SWT1: variants seen among roughly 807,000 people sequenced by gnomAD.
The protein encoded by SWT1 is transcriptional protein SWT1.
SWT1 carries 33 observed loss-of-function variants against 107.3 expected under a neutral mutation model. That is an observed-to-expected ratio of 0.31 (90% CI 0.23 to 0.41). The LOEUF (loss-of-function observed/expected upper bound fraction) is 0.41, where lower values mean the gene tolerates loss of function less well. SWT1 is among the 10% of genes least tolerant of loss of function. The pLI is 1.00. For missense variants in SWT1, 898 were observed against 1,028.9 expected (o/e 0.87, Z 1.74); for synonymous variants, 345 against 348.3 (o/e 0.99, Z 0.11).
intron 17 of SWT1, 121 bp downstream of exon 17, chr1:185,271,510 T>A (rs1414639878): frequency 3.4e-6 from 2 of 593,498 alleles, no homozygotes; most frequent in African/African-American, 3.8e-5. Context: ...TTGCTTTAAA[T>A]TATTGAATGC....
intron 17 of SWT1, 95 bp downstream of exon 17, chr1:185,271,484 G>T: frequency 1.5e-6 from 1 of 649,738 alleles, no homozygotes. Context: ...ATAGTGGAAT[G>T]CTATTTAATT....
Position 185,280,988 on chromosome 1 carries a change from A to G in SWT1, c.2573+4320A>G, listed in dbSNP as rs749118851. On this transcript the variant is annotated intron_variant, in intron 18 of 18. Coordinates refer to ENST00000367500, the MANE Select transcript of SWT1 (RefSeq NM_017673.7). ...GTCATGGCAAAAGAAAATACTTGATATGTCCAAGAGTTTTCAGTCCCTTTT... is the reference window on the plus strand; with the variant it reads ...GTCATGGCAAAAGAAAATACTTGATGTGTCCAAGAGTTTTCAGTCCCTTTT... 385 of 437,464 alleles carry G rather than the reference A, an allele frequency of 8.8e-4. 2 individuals carry two copies. The highest frequency in any genetic ancestry group is 1.2e-3 in the Non-Finnish European group (258 of 217,570). The allele number at this position is 437,464 out of a possible 1,614,324, so 27.1% of individuals were successfully genotyped here. A position where few individuals can be genotyped will look rare whatever the true frequency, so the allele number is the denominator to read the frequency against.
At chr1:185,182,690 A>C (rs1461534002) in intron 7 of SWT1, among the ~76,000 whole-genome samples, 5 of 140,522 alleles carry the variant, frequency 3.6e-5, no homozygotes, top group Admixed American at 3.5e-4. Context: ...AAAAAAAAAA[A>C]AAGAAAGAAT....
At chr1:185,287,685 A>C (rs770521186) in intron 18 of SWT1, among the ~76,000 whole-genome samples, 1 of 152,226 alleles carries the variant, frequency 6.6e-6, no homozygotes, top group South Asian at 2.1e-4. Context: ...CCTGCAGCCA[A>C]TATTCTGTCA....
intron 5 of SWT1, among the ~76,000 whole-genome samples, chr1:185,176,124 A>G (rs1174638264): frequency 1.3e-5 from 2 of 151,866 alleles, no homozygotes; most frequent in East Asian, 1.9e-4. Context: ...ACGGGTCTCA[A>G]CAAAAACATA....
In SWT1 at chr1:185,260,352, T is replaced by G. The variant is rs1437371556; in HGVS notation, c.2442-10971T>G. Among the ~76,000 whole-genome samples, 4 of 152,270 alleles carry G rather than the reference T, an allele frequency of 2.6e-5. No homozygotes were observed. The East Asian group carries it at 7.7e-4, about 29-fold the overall frequency. On this transcript the variant is annotated intron_variant, in intron 16 of 18. Coordinates refer to ENST00000367500, the MANE Select transcript of SWT1 (RefSeq NM_017673.7). Reference sequence around the variant, plus strand: ...CTTTTACTGGTCAATGGCTGTGCAGTGTAGATAAATTAGTCCAGTTTAATA... The same window carrying G: ...CTTTTACTGGTCAATGGCTGTGCAGGGTAGATAAATTAGTCCAGTTTAATA...
chr1:185,261,867 G>T (rs1052122231), intron 16 of SWT1, among the ~76,000 whole-genome samples: 1 of 152,050 alleles, frequency 6.6e-6, no homozygotes, highest in Non-Finnish European at 1.5e-5. Flanking sequence ...TATAAATAGA[G>T]CATTTCTTTA....
intron 4 of SWT1, among the ~76,000 whole-genome samples, chr1:185,173,506 A>G (rs977488894): frequency 2.7e-5 from 4 of 147,580 alleles, no homozygotes; most frequent in Non-Finnish European, 4.5e-5. Context: ...CAGCCTGGGC[A>G]ACATGGTGAA....
Position 185,222,056 on chromosome 1 carries a change from T to C in SWT1, c.2309+20T>C, listed in dbSNP as rs1295966704. ...GAACAGGTACTAAATTTGGGGGAAT[T>C]TTTTTTTAGTTATTTTTTAAATTGA... On this transcript the variant is annotated intron_variant, in intron 15 of 18. Transcript: ENST00000367500. 7.0e-6 allele frequency: 10 copies of C among 1,437,438 alleles called. No individual in the cohort carries two copies. The highest frequency in any genetic ancestry group is 9.3e-6 in the Non-Finnish European group (10 of 1,080,438). The allele number at this position is 1,437,438 out of a possible 1,614,324, so 89.0% of individuals were successfully genotyped here.
Position 185,204,841 on chromosome 1 carries a change from C to T in SWT1, c.1811C>T (p.Ala604Val), listed in dbSNP as rs1262626118. ...SSILETEMKI[A>V]FGNLWMEILY... ...ATATTAGAAACAGAAATGAAAATTG[C>T]TTTTGGAAACCTTTGGATGGAGGTG... The change falls in exon 12 of 19, where the codon GCT becomes GTT. Residue 604 changes from alanine to valine, a missense_variant. Physicochemically the swap from Ala to Val is moderately conservative, Grantham distance 64 (BLOSUM62 0). This residue lies in a region of SWT1 where 382 missense variants were observed against 460.0 expected (regional missense o/e 0.83). Transcript: ENST00000367500. 14 of 1,578,378 alleles carry T rather than the reference C, an allele frequency of 8.9e-6. No individual in the cohort carries two copies. Among genetic ancestry groups the T allele is most frequent in the Non-Finnish European group, 1.2e-5 (14 of 1,165,846 alleles).
intron 13 of SWT1, among the ~76,000 whole-genome samples, chr1:185,212,645 C>T (rs534722947): frequency 6.6e-6 from 1 of 151,680 alleles, no homozygotes; most frequent in African/African-American, 2.4e-5. Context: ...TACTAAAAAT[C>T]CAAAAAAAAT....
chr1:185,201,796 T>C (rs976107013), intron 10 of SWT1, among the ~76,000 whole-genome samples: 14 of 152,154 alleles, frequency 9.2e-5, no homozygotes, highest in African/African-American at 3.1e-4. Flanking sequence ...AAGCCACTAA[T>C]ACTTGTCACA....
chr1:185,198,046 A>T (rs1320272777), intron 10 of SWT1, among the ~76,000 whole-genome samples: 1 of 151,998 alleles, frequency 6.6e-6, no homozygotes, highest in African/African-American at 2.4e-5. Context: ...TCAATTTTAG[A>T]TCTTTCCTGC....
Position 185,176,798 on chromosome 1 carries a change from C to T in SWT1, c.966+1685C>T, listed in dbSNP as rs369878895. On this transcript the variant is annotated intron_variant, in intron 5 of 18. Transcript: ENST00000367500. ...AGGAGATCGAGACCATCCTGGCTAA[C>T]ACAGTGAAACATCATCTCTACTAAA... The T allele has an allele frequency of 9.0e-4, 470 of 521,554 alleles. 4 individuals carry two copies. In the African/African-American group the frequency reaches 9.2e-3, roughly 10 times the overall value. The allele number at this position is 521,554 out of a possible 1,614,324, so 32.3% of individuals were successfully genotyped here. A position where few individuals can be genotyped will look rare whatever the true frequency, so the allele number is the denominator to read the frequency against.
At chr1:185,197,254 A>G (rs1190143209) in intron 10 of SWT1, among the ~76,000 whole-genome samples, 1 of 152,004 alleles carries the variant, frequency 6.6e-6, no homozygotes, top group Non-Finnish European at 1.5e-5. Context: ...TGTTTATGTG[A>G]TGGATTACAT....
chr1:185,212,495 TTA>T (rs1658898644), intron 13 of SWT1, among the ~76,000 whole-genome samples: 1 of 152,148 alleles, frequency 6.6e-6, no homozygotes, highest in Non-Finnish European at 1.5e-5. Flanking sequence ...TTTGTGATCA[TTA>T]TAGTTTATTG....
intron 4 of SWT1, among the ~76,000 whole-genome samples, chr1:185,170,134 C>A (rs1326106588): frequency 6.6e-6 from 1 of 152,196 alleles, no homozygotes; most frequent in African/African-American, 2.4e-5. Flanking sequence ...ATTCAATTTT[C>A]AGCTTTGCAA....
At chr1:185,263,118 A>G (rs1663143986) in intron 16 of SWT1, among the ~76,000 whole-genome samples, 1 of 152,158 alleles carries the variant, frequency 6.6e-6, no homozygotes, top group South Asian at 2.1e-4. Context: ...GACACTATTC[A>G]GATTGTATTA....
chr1:185,202,640 C>T lies in SWT1; in HGVS notation c.1524-14C>T. ...AAATATTTTTTCCTCCTAATCCCAA[C>T]CTCCCAACCTTAGGGATGATAGAAA... On this transcript the variant is annotated splice_polypyrimidine_tract_variant and intron_variant, in intron 10 of 18. Coordinates refer to ENST00000367500, the MANE Select transcript of SWT1 (RefSeq NM_017673.7). 6.3e-7 allele frequency: 1 copy of T among 1,599,260 alleles called. No individual in the cohort carries two copies. Among genetic ancestry groups the T allele is most frequent in the Non-Finnish European group, 8.5e-7 (1 of 1,174,140 alleles).
Sources: allele counts gnomAD v4.1 joint callset (sites outside exome capture counted in the v4.1 genomes callset), GRCh38; gene constraint gnomAD v4.1.1; regional missense constraint gnomAD v4.1.1; transcripts MANE v1.5; gene names NCBI Gene and HGNC (gene_info 2026-07-23, HGNC 2026-07-21).